Variants in EPHA1 observed in about 807,000 individuals in gnomAD.
The protein encoded by EPHA1 is ephrin type-A receptor 1.
In EPHA1, 92 loss-of-function variants were observed where a neutral mutation model predicts 110.1. The observed-to-expected ratio is 0.84, with a 90% CI of 0.71 to 0.99. EPHA1 has a LOEUF of 0.99. Among genes scored for constraint, EPHA1 ranks in the 50% least tolerant of loss-of-function variants. The pLI is 0.00. For missense variants in EPHA1, 1,204 were observed against 1,285.4 expected, an observed-to-expected ratio of 0.94 and a Z score of 0.97; for synonymous variants, 500 against 516.1, an observed-to-expected ratio of 0.97 and a Z score of 0.42.
At chr7:143,391,814 G>GCCTT in intron 16 of EPHA1, 39 bp from the exon 17 acceptor site, 1 of 1,606,040 alleles carries the variant, frequency 6.2e-7, no homozygotes, top group South Asian at 1.1e-5. Flanking sequence ...CGGGTACATG[G>GCCTT]GCTGATCTGG....
At chr7:143,394,084 A>C in intron 15 of EPHA1, 110 bp downstream of exon 15, 1 of 1,431,336 alleles carries the variant, frequency 7.0e-7, no homozygotes, top group South Asian at 1.4e-5. Context: ...AGAAAAACTG[A>C]AGGTCATGAA....
Position 143,397,447 on chromosome 7 carries a change from C to G in EPHA1, c.1713-85G>C, listed in dbSNP as rs1447009014. Reference sequence around the variant, plus strand: ...ACTCTGGCTGAATCTTCCCCAGAAACGGGCTGGGAGTGCAGGATGGGTTTT... The same window carrying G: ...ACTCTGGCTGAATCTTCCCCAGAAAGGGGCTGGGAGTGCAGGATGGGTTTT... On this transcript the variant is annotated intron_variant, in intron 9 of 17. Transcript: ENST00000275815. 9 of 1,579,714 alleles carry G rather than the reference C, an allele frequency of 5.7e-6. No homozygotes were observed. The South Asian group carries it at 9.0e-5, about 16-fold the overall frequency.
chr7:143,391,769 A>G lies in EPHA1; in HGVS notation c.2703T>C (p.Thr901=). 6.2e-7 allele frequency: 1 copy of G among 1,613,838 alleles called. No individual in the cohort carries two copies. Among genetic ancestry groups the G allele is most frequent in the Non-Finnish European group, 8.5e-7 (1 of 1,179,992 alleles). Residue 901 remains threonine (T), a synonymous_variant, in exon 17 of 18, where the codon ACT becomes ACC. Coordinates refer to ENST00000275815, the MANE Select transcript of EPHA1 (RefSeq NM_005232.5). ...AGCCACTCAGGCTGGGCAGGCGAAG[A>G]GTCATCCTGTGGGACATGGGCATGT... ...RTIANFDPRM[T]LRLPSLSGSD... is the part of the protein sequence containing the mutation.
At chr7:143,406,909 G>C (rs1805566243) in intron 2 of EPHA1, among the ~76,000 whole-genome samples, 1 of 152,142 alleles carries the variant, frequency 6.6e-6, no homozygotes, top group Admixed American at 6.6e-5. Context: ...CTCACAACCT[G>C]TTCACTGAGT....
intron 2 of EPHA1, among the ~76,000 whole-genome samples, chr7:143,404,557 A>C (rs1173122989): frequency 6.6e-6 from 1 of 152,150 alleles, no homozygotes; most frequent in African/African-American, 2.4e-5. Flanking sequence ...AAAAATTATG[A>C]ATATCTAACC....
chr7:143,400,477 A>AT (rs1168910430), intron 3 of EPHA1, among the ~76,000 whole-genome samples: 2 of 152,184 alleles, frequency 1.3e-5, no homozygotes, highest in African/African-American at 2.4e-5. Context: ...ATTTTACAAC[A>AT]TTTTCTCTTT....
intron 15 of EPHA1, 62 bp downstream of exon 15, chr7:143,394,132 C>T: frequency 6.4e-7 from 1 of 1,555,254 alleles, no homozygotes; most frequent in African/African-American, 1.4e-5. Context: ...CATGGGAGGA[C>T]CTTGGGAGGA....
intron 11 of EPHA1, 115 bp downstream of exon 11, chr7:143,396,270 G>T (rs1427829287): frequency 5.1e-6 from 7 of 1,381,884 alleles, no homozygotes; most frequent in African/African-American, 1.4e-5. Flanking sequence ...GGAAACTCTT[G>T]GACCAGAGAA....
chr7:143,397,767 T>C lies in EPHA1; in HGVS notation c.1616-110A>G. The C allele has an allele frequency of 2.0e-6, 3 of 1,514,814 alleles. No individual in the cohort carries two copies. The Admixed American group carries it at 5.3e-5, about 27-fold the overall frequency. 93.8% of individuals were successfully genotyped at this position (1,514,814 alleles called of 1,614,324 possible). ...CTAGGGTCAGACCTTTCAGTGTGCA[T>C]CAGGTCGGTGTCTGTCCCCTACCCC... On this transcript the variant is annotated intron_variant, in intron 8 of 17. Coordinates refer to ENST00000275815, the MANE Select transcript of EPHA1 (RefSeq NM_005232.5).
At chr7:143,396,059 A>G (rs1043500860) in intron 11 of EPHA1, among the ~76,000 whole-genome samples, 2 of 152,234 alleles carry the variant, frequency 1.3e-5, no homozygotes, top group African/African-American at 2.4e-5. Context: ...TTTGGGCATC[A>G]TCACAGAACA....
At chr7:143,392,406 A>G (rs1281675355) in intron 16 of EPHA1, among the ~76,000 whole-genome samples, 1 of 152,218 alleles carries the variant, frequency 6.6e-6, no homozygotes, top group Non-Finnish European at 1.5e-5. Flanking sequence ...TCCAAAAGAT[A>G]GTTTCAAAAG....
At chr7:143,402,543 C>T (rs1199726502) in intron 2 of EPHA1, among the ~76,000 whole-genome samples, 3 of 152,186 alleles carry the variant, frequency 2.0e-5, no homozygotes, top group Non-Finnish European at 4.4e-5. Flanking sequence ...CAGGCATGCA[C>T]CACCATGCCT....
intron 2 of EPHA1, among the ~76,000 whole-genome samples, chr7:143,404,487 G>A (rs1420848670): frequency 6.6e-6 from 1 of 152,086 alleles, no homozygotes; most frequent in Non-Finnish European, 1.5e-5. Context: ...AAAGTACTGG[G>A]ATTACAGGTG....
chr7:143,401,146 G>A lies in EPHA1; in HGVS notation c.432+178C>T. ...GGCCTCAAGTGATCTTCCCACATCG[G>A]TTTCCCAAAGCACTGGAATTACAGG... On this transcript the variant is annotated intron_variant, in intron 3 of 17. Coordinates refer to ENST00000275815, the MANE Select transcript of EPHA1 (RefSeq NM_005232.5). This position sits in a 1 kb window ranked among gnomAD's most constrained non-coding sequence, Gnocchi z 4.1. 1 of 786,674 alleles carries A rather than the reference G, an allele frequency of 1.3e-6. No homozygotes were observed. The highest frequency in any genetic ancestry group is 1.8e-5 in the South Asian group (1 of 54,598). The allele number at this position is 786,674 out of a possible 1,614,324, so 48.7% of individuals were successfully genotyped here.
In EPHA1 at chr7:143,394,206, C is replaced by T. The variant is rs763688617; in HGVS notation, c.2490G>A (p.Met830Ile). Residue 830 changes from methionine to isoleucine, a missense_variant, in exon 15 of 18, where the codon ATG (methionine) becomes ATA (isoleucine). Coordinates refer to ENST00000275815, the MANE Select transcript of EPHA1 (RefSeq NM_005232.5). ...ATTCTGGGCTCACCTCCTGATTGCT[C>T]ATCTCCCCATAAGGCTTGTCCCCAA... ...LSFGDKPYGE[M>I]SNQEVMKSIE... 3.1e-6 allele frequency: 5 copies of T among 1,612,946 alleles called. No homozygotes were observed. In the African/African-American group the frequency reaches 6.7e-5, roughly 22 times the overall value.
In EPHA1 at chr7:143,395,148, C is replaced by T. The variant is rs375566010; in HGVS notation, c.2118G>A (p.Glu706=). 33 of 1,613,916 alleles carry T rather than the reference C, an allele frequency of 2.0e-5. No homozygotes were observed. The highest frequency in any genetic ancestry group is 1.1e-4 in the South Asian group (10 of 91,082). The part of the protein sequence containing the change: ...KPIMIITEFM[E]NGALDAFLRE... ...TCAGGAAGGCATCCAGGGCTCCATTCTCCATAAATTCTGTGATGATCATGA... is the reference window on the plus strand; with the variant it reads ...TCAGGAAGGCATCCAGGGCTCCATTTTCCATAAATTCTGTGATGATCATGA... Residue 706 remains glutamate (E), a synonymous_variant, in exon 13 of 18, where the codon GAG becomes GAA. Transcript: ENST00000275815. This position sits in a 1 kb window ranked among gnomAD's most constrained non-coding sequence, Gnocchi z 4.7.
chr7:143,391,905 CCCCACCATTATCTCTGAG>C, intron 16 of EPHA1, 130 bp from the exon 17 acceptor site: 1 of 1,471,016 alleles, frequency 6.8e-7, no homozygotes, highest in Non-Finnish European at 9.0e-7. Context: ...TGTGGATTGA[CCCCACCATTATCTCTGAG>C]CCCACTTCCT....
chr7:143,391,246 C>T lies in EPHA1; in HGVS notation c.*211G>A, dbSNP rs1392801194. ...ATATATTAACCCCTCAGCTCCCTCC[C>T]ATGATCATCCTTTTACTTCTACCCC... On this transcript the variant is annotated 3_prime_UTR_variant, in exon 18 of 18. Transcript: ENST00000275815. 1.7e-6 allele frequency: 1 copy of T among 602,518 alleles called. No homozygotes were observed. The highest frequency in any genetic ancestry group is 1.9e-5 in the African/African-American group (1 of 53,788). 37.3% of individuals were successfully genotyped at this position (602,518 alleles called of 1,614,324 possible). A position where few individuals can be genotyped will look rare whatever the true frequency, so the allele number is the denominator to read the frequency against.
rs1172081265 is a variant in EPHA1, at chr7:143,395,719, G to A, written c.1898-215C>T. The A allele has an allele frequency of 6.8e-6, 4 of 592,306 alleles. No individual in the cohort carries two copies. The East Asian group carries it at 1.1e-4, about 17-fold the overall frequency. The allele number at this position is 592,306 out of a possible 1,614,324, so 36.7% of individuals were successfully genotyped here. A position where few individuals can be genotyped will look rare whatever the true frequency, so the allele number is the denominator to read the frequency against. ...GTGACCTATTCACCACTGTCTCCCA[G>A]TGTTTGCACAGTTCTTGGCTCACAA... On this transcript the variant is annotated intron_variant, in intron 11 of 17. Coordinates refer to ENST00000275815, the MANE Select transcript of EPHA1 (RefSeq NM_005232.5). This position sits in a 1 kb window ranked among gnomAD's most constrained non-coding sequence, Gnocchi z 4.7.
Sources: allele counts gnomAD v4.1 joint callset (sites outside exome capture counted in the v4.1 genomes callset), GRCh38; gene constraint gnomAD v4.1.1; non-coding constraint Gnocchi (gnomAD v3.1); transcripts MANE v1.5; gene names NCBI Gene and HGNC (gene_info 2026-07-23, HGNC 2026-07-21).